PRRC1: variants seen among roughly 807,000 people sequenced by gnomAD.
PRRC1 encodes protein PRRC1.
In PRRC1, 39 loss-of-function variants were observed where a neutral mutation model predicts 40.7. The observed-to-expected ratio is 0.96, with a 90% CI of 0.74 to 1.25. PRRC1 has a LOEUF of 1.25. PRRC1 is among the 50% of genes most tolerant of loss of function. The probability of loss-of-function intolerance (pLI) is 0.00; values close to 1 mark genes in which losing one functional copy is unlikely to be tolerated. For synonymous variants in PRRC1, 175 were observed against 193.3 expected (o/e 0.91, Z 0.79); for missense variants, 573 against 548.3 (o/e 1.05, Z -0.45).
chr5:127,523,618 G>A, intron 2 of PRRC1, 36 bp downstream of exon 2: 2 of 1,258,364 alleles, frequency 1.6e-6, no homozygotes, highest in Non-Finnish European at 2.2e-6. Context: ...TGTGTTTTGA[G>A]AATAGTGAAG....
At chr5:127,537,221 A>AGTTCAGT (rs1160623588) in intron 6 of PRRC1, among the ~76,000 whole-genome samples, 1 of 151,864 alleles carries the variant, frequency 6.6e-6, no homozygotes, top group East Asian at 1.9e-4. Flanking sequence ...CACTGAACCA[A>AGTTCAGT]GTTGCTTAGT....
At chr5:127,542,437 TTC>T (rs1768074828) in intron 7 of PRRC1, among the ~76,000 whole-genome samples, 1 of 152,134 alleles carries the variant, frequency 6.6e-6, no homozygotes, top group South Asian at 2.1e-4. Flanking sequence ...CTTGTTAACT[TTC>T]TGTCTCGTTG....
chr5:127,549,781 TG>T (rs147263011), intron 8 of PRRC1: 347 of 152,284 alleles, frequency 2.3e-3, no homozygotes, highest in African/African-American at 8.0e-3. Flanking sequence ...TAGCTGCTTT[TG>T]TACTATAGCA....
chr5:127,529,885 G>A lies in PRRC1; in HGVS notation c.655-409G>A, dbSNP rs560219610. Among the ~76,000 whole-genome samples, 69 of 152,066 alleles carry A rather than the reference G, an allele frequency of 4.5e-4. 2 individuals carry two copies. The highest frequency in any genetic ancestry group is 3.3e-3 in the South Asian group (16 of 4,814). On this transcript the variant is annotated intron_variant, in intron 4 of 8. Transcript: ENST00000296666. ...TTTACTCTTTTTATTTTTTTTATTA[G>A]GGAACAAGTATGGACTTACGTAGAC... is the stretch of plus-strand genomic sequence containing the variant.
rs747625284 is a variant in PRRC1, at chr5:127,552,598, AATAC to A, written c.*685_*688del. 799 of 982,288 alleles carry A rather than the reference AATAC, an allele frequency of 8.1e-4. No individual in the cohort carries two copies. Among genetic ancestry groups the A allele is most frequent in the Non-Finnish European group, 9.2e-4 (762 of 826,662 alleles). 60.8% of individuals were successfully genotyped at this position (982,288 alleles called of 1,614,324 possible). ...AGATTTATACTATGAACATTGGGGTAATACATTTTATTTTTTCATTGCTATATGA... is the reference window on the plus strand; with the variant it reads ...AGATTTATACTATGAACATTGGGGTAATTTTATTTTTTCATTGCTATATGA... On this transcript the variant is annotated 3_prime_UTR_variant, in exon 9 of 9. Coordinates refer to ENST00000296666, the MANE Select transcript of PRRC1 (RefSeq NM_130809.5).
chr5:127,534,859 C>G (rs989364193), intron 6 of PRRC1, among the ~76,000 whole-genome samples: 1 of 152,338 alleles, frequency 6.6e-6, no homozygotes, highest in African/African-American at 2.4e-5. Flanking sequence ...TTCCTCCACA[C>G]TTGCTCCCTC....
chr5:127,548,650 A>T (rs924849189), intron 8 of PRRC1: 1 of 151,966 alleles, frequency 6.6e-6, no homozygotes, highest in Non-Finnish European at 1.5e-5. Flanking sequence ...TTTCAAACTT[A>T]TTTGGGACAT....
intron 1 of PRRC1, among the ~76,000 whole-genome samples, chr5:127,521,361 C>T (rs1012899225): frequency 6.6e-6 from 1 of 152,122 alleles, no homozygotes; most frequent in Non-Finnish European, 1.5e-5. Flanking sequence ...AACTACTCAC[C>T]CTGCTGCTCT....
intron 6 of PRRC1, among the ~76,000 whole-genome samples, chr5:127,537,484 CAAA>C (rs1277720012): frequency 7.9e-5 from 12 of 151,848 alleles, no homozygotes; most frequent in African/African-American, 1.7e-4. Flanking sequence ...ATTTTATAAA[CAAA>C]AAAGAAATTT....
At chr5:127,542,370 T>A (rs1308140162) in intron 7 of PRRC1, among the ~76,000 whole-genome samples, 1 of 151,756 alleles carries the variant, frequency 6.6e-6, no homozygotes, top group Non-Finnish European at 1.5e-5. Context: ...GGTGGAGAGT[T>A]CTGTAGATGT....
At chr5:127,524,969 A>G in intron 3 of PRRC1, 49 bp downstream of exon 3, 1 of 1,481,462 alleles carries the variant, frequency 6.8e-7, no homozygotes, top group Non-Finnish European at 9.1e-7. Flanking sequence ...TTAATGTTTT[A>G]TTCTTTTTTA....
intron 4 of PRRC1, among the ~76,000 whole-genome samples, chr5:127,529,640 C>G (rs233032): frequency 0.32 from 48,338 of 151,968 alleles, 7,956 homozygotes; most frequent in East Asian, 0.55. Flanking sequence ...GTCTTTTACC[C>G]TTTGTGAAGT....
intron 4 of PRRC1, among the ~76,000 whole-genome samples, chr5:127,527,363 A>G (rs1341653786): frequency 1.3e-5 from 2 of 152,138 alleles, no homozygotes; most frequent in Admixed American, 6.5e-5. Context: ...TGAAATATAA[A>G]ACCTTATATT....
chr5:127,545,096 C>G (rs1211482973), intron 7 of PRRC1, among the ~76,000 whole-genome samples: 3 of 152,166 alleles, frequency 2.0e-5, no homozygotes, highest in African/African-American at 4.8e-5. Flanking sequence ...GATACCATCT[C>G]ACACCAGTTA....
At chr5:127,519,685 C>T (rs543206676) in intron 1 of PRRC1, among the ~76,000 whole-genome samples, 171 of 152,210 alleles carry the variant, frequency 1.1e-3, no homozygotes, top group Non-Finnish European at 2.2e-3. Context: ...ATTCTCTTTT[C>T]TCTTGGTATT....
intron 6 of PRRC1, among the ~76,000 whole-genome samples, chr5:127,537,746 G>A (rs1198171778): frequency 6.6e-6 from 1 of 151,916 alleles, no homozygotes; most frequent in Non-Finnish European, 1.5e-5. Context: ...TTTACGGAAT[G>A]AATGTTTACT....
chr5:127,525,032 C>A, intron 3 of PRRC1, 112 bp downstream of exon 3: 2 of 1,077,424 alleles, frequency 1.9e-6, no homozygotes, highest in Non-Finnish European at 2.6e-6. Context: ...TCACCCAATT[C>A]AAAGCATACA....
intron 6 of PRRC1, among the ~76,000 whole-genome samples, chr5:127,537,140 T>G (rs1282087115): frequency 6.6e-6 from 1 of 151,606 alleles, no homozygotes; most frequent in Non-Finnish European, 1.5e-5. Flanking sequence ...ACTACTGTTT[T>G]ATATAGTTTT....
Position 127,551,752 on chromosome 5 carries a change from CT to C in PRRC1, c.1178del (p.Leu393TrpfsTer2), listed in dbSNP as rs1768390013. On this transcript the variant is annotated frameshift_variant, in exon 9 of 9. Coordinates refer to ENST00000296666, the MANE Select transcript of PRRC1 (RefSeq NM_130809.5). LOFTEE classifies it high-confidence loss of function. Reference protein sequence around the residue: ...PQDYNLRWSGLLVTVGEVLEK... With the variant: ...PQDYNLRWSGXLVTVGEVLEK... ...GGACTATAATCTGAGGTGGTCAGGC[CT>C]TTTGGTGACAGTGGGTGAAGTCCTG... 6.2e-7 allele frequency: 1 copy of C among 1,613,950 alleles called. No homozygotes were observed. Among genetic ancestry groups the C allele is most frequent in the African/African-American group, 1.3e-5 (1 of 74,898 alleles).
Sources: allele counts gnomAD v4.1 joint callset (sites outside exome capture counted in the v4.1 genomes callset), GRCh38; gene constraint gnomAD v4.1.1; transcripts MANE v1.5; gene names NCBI Gene and HGNC (gene_info 2026-07-23, HGNC 2026-07-21).